The following RANBP2 variants were observed in gnomAD, a reference collection of about 807,000 sequenced individuals.
The protein encoded by RANBP2 is RAN binding protein 2.
In RANBP2, 57 loss-of-function variants were observed where a neutral mutation model predicts 303.6. The ratio of observed to expected loss-of-function variants is 0.19; its 90% confidence interval spans 0.15 to 0.23. RANBP2 has a LOEUF of 0.23. Ranked by LOEUF, RANBP2 falls within the 10% of genes least tolerant of loss-of-function variation. The pLI is 1.00. For synonymous variants in RANBP2, 1,167 were observed against 1,301.5 expected (o/e 0.90, Z 2.23); for missense variants, 3,138 against 3,780.8 (o/e 0.83, Z 4.46).
chr2:108,868,736 T>C, the RANBP2 span, among the ~76,000 whole-genome samples: 2 of 152,178 alleles, frequency 1.3e-5, no homozygotes, highest in African/African-American at 4.8e-5. Flanking sequence ...TGCTTTGTTA[T>C]GTAGAGCCTT....
At chr2:108,938,786 T>G in the RANBP2 span, among the ~76,000 whole-genome samples, 1 of 130,688 alleles carries the variant, frequency 7.7e-6, no homozygotes. Context: ...TAGGACTTCT[T>G]CCCCCCCCGC....
At chr2:109,555,543 C>A in the RANBP2 span, among the ~76,000 whole-genome samples, 1 of 152,196 alleles carries the variant, frequency 6.6e-6, no homozygotes, top group Non-Finnish European at 1.5e-5. Flanking sequence ...TAGTAAAGAG[C>A]AAACTATTCT....
At chr2:109,686,747 G>C in the RANBP2 span, among the ~76,000 whole-genome samples, 1 of 152,076 alleles carries the variant, frequency 6.6e-6, no homozygotes, top group South Asian at 2.1e-4. Flanking sequence ...GAGTAGCTGG[G>C]ACCAGATGTG....
the RANBP2 span, among the ~76,000 whole-genome samples, chr2:108,957,866 C>T: frequency 6.6e-6 from 1 of 152,144 alleles, no homozygotes. Context: ...GTTTTTGTAA[C>T]GTTTTTGATC....
At chr2:109,627,386 G>A in the RANBP2 span, among the ~76,000 whole-genome samples, 1 of 152,096 alleles carries the variant, frequency 6.6e-6, no homozygotes, top group Non-Finnish European at 1.5e-5. Flanking sequence ...TAGTAGAGAT[G>A]GGGTTTCACC....
At chr2:109,606,702 T>G in the RANBP2 span, among the ~76,000 whole-genome samples, 8 of 110,234 alleles carry the variant, frequency 7.3e-5, no homozygotes, top group African/African-American at 2.9e-4. Flanking sequence ...TTTTTTGAGA[T>G]GGAGTCTCAC....
At chr2:108,975,094 C>A in the RANBP2 span, among the ~76,000 whole-genome samples, 1 of 152,200 alleles carries the variant, frequency 6.6e-6, no homozygotes. Flanking sequence ...CCCCAAGTGC[C>A]ACCTGGGGCG....
At chr2:109,538,539 G>A in the RANBP2 span, among the ~76,000 whole-genome samples, 20,364 of 152,198 alleles carry the variant, frequency 0.13, 1,834 homozygotes, top group African/African-American at 0.26. Context: ...TTATTTTTGA[G>A]ACAGTCTCAC....
the RANBP2 span, among the ~76,000 whole-genome samples, chr2:109,447,544 A>G: frequency 3.3e-5 from 5 of 152,204 alleles, no homozygotes; most frequent in Non-Finnish European, 5.9e-5. Context: ...AAGAATGCAC[A>G]GCAGCTGGAT....
chr2:108,842,605 G>C, the RANBP2 span, among the ~76,000 whole-genome samples: 3 of 152,158 alleles, frequency 2.0e-5, no homozygotes, highest in Admixed American at 2.0e-4. Context: ...GAGGTGTGAG[G>C]GTCTGTGAGA....
chr2:108,754,788 G>A, intron 15 of RANBP2, 117 bp from the exon 16 acceptor site: 1 of 1,461,466 alleles, frequency 6.8e-7, no homozygotes, highest in South Asian at 1.2e-5. Context: ...TATTTAAAGT[G>A]TAAAGTGCCT....
the RANBP2 span, among the ~76,000 whole-genome samples, chr2:109,030,319 T>C: frequency 2.0e-5 from 3 of 152,178 alleles, no homozygotes; most frequent in African/African-American, 7.2e-5. Context: ...CTAGCCAAAT[T>C]ATGGTATGCT....
the RANBP2 span, among the ~76,000 whole-genome samples, chr2:109,461,254 G>A: frequency 6.6e-6 from 1 of 152,218 alleles, no homozygotes; most frequent in Non-Finnish European, 1.5e-5. Flanking sequence ...CTAGTTGCAT[G>A]GTAATTGGTG....
chr2:109,021,262 G>T, the RANBP2 span, among the ~76,000 whole-genome samples: 3 of 152,162 alleles, frequency 2.0e-5, no homozygotes, highest in African/African-American at 7.2e-5. Flanking sequence ...GGTGGCTCAC[G>T]CCTGTAATCC....
the RANBP2 span, among the ~76,000 whole-genome samples, chr2:109,466,881 GTA>G: frequency 6.6e-6 from 1 of 152,202 alleles, no homozygotes; most frequent in South Asian, 2.1e-4. Context: ...ATGTTTGTGT[GTA>G]TATGTGTGCA....
chr2:109,614,432 C>A, the RANBP2 span: 3 of 1,149,956 alleles, frequency 2.6e-6, no homozygotes, highest in Non-Finnish European at 2.2e-6. Context: ...CCGCTGGGAG[C>A]CCGTCGCTAT....
the RANBP2 span, among the ~76,000 whole-genome samples, chr2:109,541,830 T>C: frequency 6.6e-6 from 1 of 152,182 alleles, no homozygotes; most frequent in African/African-American, 2.4e-5. Context: ...CCAAACCTAC[T>C]TGGTTGTCCA....
At chr2:109,099,891 C>G in the RANBP2 span, among the ~76,000 whole-genome samples, 6 of 152,264 alleles carry the variant, frequency 3.9e-5, no homozygotes, top group South Asian at 1.2e-3. Flanking sequence ...ATCACTAAAA[C>G]TCTTGGTGTT....
chr2:108,928,613 T>C, the RANBP2 span, among the ~76,000 whole-genome samples: 2 of 152,226 alleles, frequency 1.3e-5, no homozygotes, highest in African/African-American at 2.4e-5. Flanking sequence ...GCAATGATCA[T>C]GGCTCAGGAT....
Sources: gnomAD v4.1 joint callset for allele counts (sites outside exome capture counted in the v4.1 genomes callset) on GRCh38, gnomAD v4.1.1 for gene constraint, MANE v1.5 for transcripts, NCBI Gene and HGNC (gene_info 2026-07-23, HGNC 2026-07-21) for gene names.